VAT1: variants seen among roughly 807,000 people sequenced by gnomAD.
The protein encoded by VAT1 is vesicle amine transport 1.
VAT1 carries 24 observed loss-of-function variants against 33.3 expected under a neutral mutation model. The ratio of observed to expected loss-of-function variants is 0.72; its 90% CI spans 0.52 to 1.01. The LOEUF (loss-of-function observed/expected upper bound fraction) is 1.01, where lower values mean the gene tolerates loss of function less well. Among genes scored for constraint, VAT1 ranks in the 50% least tolerant of loss-of-function variants. VAT1 has a pLI of 0.00. For missense variants in VAT1, 436 were observed against 533.7 expected, an observed-to-expected ratio of 0.82 and a Z score of 1.80; for synonymous variants, 212 against 225.0, an observed-to-expected ratio of 0.94 and a Z score of 0.52.
Position 43,021,961 on chromosome 17 carries a change from A to G in VAT1, c.362T>C (p.Val121Ala). 2 of 1,610,802 alleles carry G rather than the reference A, an allele frequency of 1.2e-6. No individual in the cohort carries two copies. Among genetic ancestry groups the G allele is most frequent in the Non-Finnish European group, 1.7e-6 (2 of 1,179,660 alleles). ...GMEGAGVVIAVGEGVSDRKAG... is the reference protein window; with the variant it reads ...GMEGAGVVIAAGEGVSDRKAG... ...CTTGCGGTCGCTGACTCCCTCGCCC[A>G]CTGCGATCACAACACCCGCGCCCTC... The change falls in exon 1 of 6, where the codon GTG (valine) becomes GCG (alanine). Residue 121 changes from valine (V) to alanine (A), a missense_variant. Val to Ala is a moderately conservative substitution (Grantham distance 64). This residue lies in a region of VAT1 where 282 missense variants were observed against 405.4 expected (regional missense o/e 0.70). Transcript: ENST00000355653.
At chr17:43,018,987 T>C (rs2050544153) in intron 1 of VAT1, 188 bp from the exon 2 acceptor site, 2 of 656,584 alleles carry the variant, frequency 3.0e-6, no homozygotes, top group Non-Finnish European at 5.1e-6. Context: ...TACTGAGTGC[T>C]GACTGAGGGC....
intron 1 of VAT1, among the ~76,000 whole-genome samples, chr17:43,021,606 T>TGGGGGGGGGGGGGGGTGG (rs2050568086): frequency 2.0e-5 from 1 of 49,410 alleles, no homozygotes; most frequent in Non-Finnish European, 4.2e-5. Context: ...GTGGTTTTAA[T>TGGGGGGGGGGGGGGGTGG]GGGGGGGGGG....
Position 43,016,519 on chromosome 17 carries a change from G to A in VAT1, c.886C>T (p.Arg296Trp), listed in dbSNP as rs1425566030. 10 of 1,613,586 alleles carry A rather than the reference G, an allele frequency of 6.2e-6. No homozygotes were observed. Among genetic ancestry groups the A allele is most frequent in the Middle Eastern group, 1.7e-4 (1 of 5,778 alleles). The change falls in exon 5 of 6, where the codon CGG becomes TGG. Residue 296 changes from arginine (R) to tryptophan (W), a missense_variant. Physicochemically the swap from Arg to Trp is moderately radical, Grantham distance 101. This residue lies in a region of VAT1 where 282 missense variants were observed against 405.4 expected (regional missense o/e 0.70). Transcript: ENST00000355653. ...GTCCGGGCCAGGGCCATCAGGTTCC[G>A]TTTGGGGCCCGTCAGCAGGTTGGCC... is the stretch of plus-strand genomic sequence containing the variant. ...GMANLLTGPK[R>W]NLMALARTWW...
chr17:43,015,744 C>G lies in VAT1; in HGVS notation c.*317G>C. The G allele has an allele frequency of 2.3e-6, 1 of 430,934 alleles. No individual in the cohort carries two copies. The highest frequency in any genetic ancestry group is 2.6e-5 in the South Asian group (1 of 39,116). 26.7% of individuals were successfully genotyped at this position (430,934 alleles called of 1,614,324 possible). A position where few individuals can be genotyped will look rare whatever the true frequency, so the allele number is the denominator to read the frequency against. On this transcript the variant is annotated 3_prime_UTR_variant, in exon 6 of 6. Transcript: ENST00000355653. The stretch of plus-strand genomic sequence containing the variant: ...AGAGGTGAAAGCACATGGAACACAA[C>G]AGGGGGGACTGGCTAACCTTGGCAC...
chr17:43,018,551 C>A, intron 2 of VAT1, 41 bp downstream of exon 2: 1 of 1,605,070 alleles, frequency 6.2e-7, no homozygotes. Flanking sequence ...GGAAGGAAAT[C>A]TGGGTGGGGT....
Position 43,016,041 on chromosome 17 carries a change from G to C in VAT1, c.*20C>G. 1.2e-6 allele frequency: 2 copies of C among 1,613,434 alleles called. No individual in the cohort carries two copies. Among genetic ancestry groups the C allele is most frequent in the Non-Finnish European group, 1.7e-6 (2 of 1,179,496 alleles). On this transcript the variant is annotated 3_prime_UTR_variant, in exon 6 of 6. Coordinates refer to ENST00000355653, the MANE Select transcript of VAT1 (RefSeq NM_006373.4). ...CAACTTCTCCCTTCGCTGGTCTCTA[G>C]GGTCTCACAGCCACTTGCCCTAGTT...
chr17:43,018,252 C>A, intron 2 of VAT1, 46 bp from the exon 3 acceptor site: 1 of 1,575,762 alleles, frequency 6.3e-7, no homozygotes, highest in Non-Finnish European at 8.6e-7. Context: ...TTGCCCTGGC[C>A]ACCAACCACT....
intron 1 of VAT1, chr17:43,020,183 A>G (rs959892009): frequency 4.1e-6 from 4 of 985,266 alleles, no homozygotes; most frequent in Non-Finnish European, 4.8e-6. Flanking sequence ...AATCAGGGCC[A>G]TGACCCCTCC....
intron 1 of VAT1, among the ~76,000 whole-genome samples, chr17:43,021,356 C>A (rs1428644083): frequency 6.6e-6 from 1 of 152,130 alleles, no homozygotes; most frequent in Non-Finnish European, 1.5e-5. Context: ...GTAGCAAAGG[C>A]TCTCTCTCCT....
In VAT1 at chr17:43,018,725, G is replaced by A. The variant is rs1597784143; in HGVS notation, c.462C>T (p.Thr154=). The A allele has an allele frequency of 6.2e-7, 1 of 1,614,156 alleles. No individual in the cohort carries two copies. The change falls in exon 2 of 6, where the codon ACC becomes ACT. Residue 154 remains threonine, a synonymous_variant. Coordinates refer to ENST00000355653, the MANE Select transcript of VAT1 (RefSeq NM_006373.4). ...AGGTCATGGCCTCAGGAATCAGGAA[G>A]GTCTGGACCGAGGGCACAGTCACCT... ...QEEVTVPSVQ[T]FLIPEAMTFE...
chr17:43,019,243 T>C (rs1306235909), intron 1 of VAT1, among the ~76,000 whole-genome samples: 1 of 152,156 alleles, frequency 6.6e-6, no homozygotes, highest in African/African-American at 2.4e-5. Flanking sequence ...AAAAATTACT[T>C]AATCTTTTTG....
intron 1 of VAT1, chr17:43,020,253 A>G: frequency 1.0e-6 from 1 of 985,466 alleles, no homozygotes; most frequent in South Asian, 4.7e-5. Context: ...TCCCCGCAGA[A>G]TCCAGGCTCT....
intron 4 of VAT1, among the ~76,000 whole-genome samples, chr17:43,016,799 C>T (rs531498228): frequency 3.9e-5 from 6 of 152,190 alleles, no homozygotes; most frequent in African/African-American, 1.4e-4. Flanking sequence ...GGGGGGATCA[C>T]TTGAGGTCAG....
intron 2 of VAT1, 123 bp downstream of exon 2, chr17:43,018,469 C>T (rs2151971129): frequency 8.5e-7 from 1 of 1,172,196 alleles, no homozygotes; most frequent in South Asian, 1.5e-5. Context: ...GCAGAGGCCT[C>T]TGGGAGCCAC....
intron 1 of VAT1, among the ~76,000 whole-genome samples, chr17:43,021,606 T>TGGGGGGGGGGGGGGGGGG (rs35999638): frequency 2.0e-5 from 1 of 49,418 alleles, no homozygotes; most frequent in Non-Finnish European, 4.2e-5. Flanking sequence ...GTGGTTTTAA[T>TGGGGGGGGGGGGGGGGGG]GGGGGGGGGG....
rs1984381 is a variant in VAT1 at position 43,022,112 on chromosome 17, G to T, written c.211C>A (p.Pro71Thr). The T allele has an allele frequency of 6.4e-7, 1 of 1,569,192 alleles. No homozygotes were observed. Among genetic ancestry groups the T allele is most frequent in the East Asian group, 2.4e-5 (1 of 42,176 alleles). ...KVKLQSRPAA[P>T]PAPGPGQLTL... Reference sequence around the variant, plus strand: ...AGCTGGCCGGGCCCAGGGGCCGGGGGCGCTGCCGGCCGGCTCTGCAGCTTC... The same window carrying T: ...AGCTGGCCGGGCCCAGGGGCCGGGGTCGCTGCCGGCCGGCTCTGCAGCTTC... Residue 71 changes from proline to threonine, a missense_variant, in exon 1 of 6, where the codon CCC (proline) becomes ACC (threonine). Coordinates refer to ENST00000355653, the MANE Select transcript of VAT1 (RefSeq NM_006373.4).
chr17:43,016,243 C>T lies in VAT1; in HGVS notation c.1098+64G>A, dbSNP rs778236706. Reference sequence around the variant, plus strand: ...AGCCCTCCTCTTCCCCAGGAATCTGCCCCTTGGGACCCCAGCCTTCATGAG... The same window carrying T: ...AGCCCTCCTCTTCCCCAGGAATCTGTCCCTTGGGACCCCAGCCTTCATGAG... On this transcript the variant is annotated intron_variant, in intron 5 of 5. Coordinates refer to ENST00000355653, the MANE Select transcript of VAT1 (RefSeq NM_006373.4). The T allele has an allele frequency of 1.9e-6, 3 of 1,607,138 alleles. No homozygotes were observed. In the African/African-American group the frequency reaches 4.0e-5, roughly 21 times the overall value.
In VAT1 at chr17:43,021,993, C is replaced by A. The variant is rs747967190; in HGVS notation, c.330G>T (p.Pro110=). ...YDRLPPLPVT[P]GMEGAGVVIA... is the part of the protein sequence containing the mutation. Reference sequence around the variant, plus strand: ...TCACAACACCCGCGCCCTCCATGCCCGGAGTGACAGGCAGAGGCGGGAGAC... The same window carrying A: ...TCACAACACCCGCGCCCTCCATGCCAGGAGTGACAGGCAGAGGCGGGAGAC... The change falls in exon 1 of 6, where the codon CCG becomes CCT. Residue 110 remains proline (P), a synonymous_variant. Coordinates refer to ENST00000355653, the MANE Select transcript of VAT1 (RefSeq NM_006373.4). 1 of 1,611,028 alleles carries A rather than the reference C, an allele frequency of 6.2e-7. No homozygotes were observed. Among genetic ancestry groups the A allele is most frequent in the Admixed American group, 1.7e-5 (1 of 59,974 alleles).
At chr17:43,021,790 CA>C in intron 1 of VAT1, 145 bp downstream of exon 1, 1 of 1,442,982 alleles carries the variant, frequency 6.9e-7, no homozygotes, top group Non-Finnish European at 9.1e-7. Context: ...CCCCCAAACA[CA>C]AGTTCCTTGG....
Sources: gnomAD v4.1 joint callset for allele counts (sites outside exome capture counted in the v4.1 genomes callset) on GRCh38, gnomAD v4.1.1 for gene constraint, gnomAD v4.1.1 regional missense constraint, MANE v1.5 for transcripts, NCBI Gene and HGNC (gene_info 2026-07-23, HGNC 2026-07-21) for gene names.